The following MAST2 variants were observed in gnomAD, a reference collection of about 807,000 sequenced individuals.
MAST2 encodes microtubule associated serine/threonine kinase 2.
A neutral mutation model predicts 147.4 loss-of-function variants in MAST2; 70 were observed. The ratio of observed to expected loss-of-function variants is 0.47; its 90% CI spans 0.39 to 0.58. The LOEUF (loss-of-function observed/expected upper bound fraction) is 0.58, where lower values mean the gene tolerates loss of function less well. MAST2 is among the 20% of genes least tolerant of loss of function. The probability of loss-of-function intolerance (pLI) is 0.00; values close to 1 mark genes in which losing one functional copy is unlikely to be tolerated. For synonymous variants in MAST2, 869 were observed against 896.8 expected, an observed-to-expected ratio of 0.97 and a Z score of 0.55; for missense variants, 2,080 against 2,302.3, an observed-to-expected ratio of 0.90 and a Z score of 1.98.
chr1:45,913,904 A>C, intron 4 of MAST2: 1 of 1,204,418 alleles, frequency 8.3e-7, no homozygotes, highest in Non-Finnish European at 1.0e-6. Context: ...GTCTCTATGG[A>C]AACTGGCAGA....
intron 3 of MAST2, among the ~76,000 whole-genome samples, chr1:45,872,352 G>A (rs1248846265): frequency 6.6e-6 from 1 of 152,204 alleles, no homozygotes; most frequent in Non-Finnish European, 1.5e-5. Flanking sequence ...TGTGGGGGTA[G>A]CGGTTACTGC....
intron 1 of MAST2, among the ~76,000 whole-genome samples, chr1:45,809,951 A>T (rs1644244139): frequency 1.3e-5 from 2 of 152,248 alleles, no homozygotes; most frequent in Admixed American, 1.3e-4. Context: ...GATGCTGAAT[A>T]AATATTTGCT....
chr1:45,997,832 C>T (rs1000515667), intron 6 of MAST2, 33 bp downstream of exon 6: 1 of 1,550,416 alleles, frequency 6.4e-7, no homozygotes, highest in African/African-American at 1.4e-5. Flanking sequence ...CTGGGACCAG[C>T]ACATGTGGCA....
intron 4 of MAST2, among the ~76,000 whole-genome samples, chr1:45,932,036 C>A (rs1308770954): frequency 6.6e-6 from 1 of 152,164 alleles, no homozygotes; most frequent in Non-Finnish European, 1.5e-5. Context: ...TACAGGCTTT[C>A]GTTTTGTCCC....
chr1:45,821,668 C>G (rs1570229307), intron 1 of MAST2, among the ~76,000 whole-genome samples: 1 of 150,604 alleles, frequency 6.6e-6, no homozygotes, highest in African/African-American at 2.4e-5. Flanking sequence ...TACAGGCATG[C>G]ACCACCACGC....
chr1:45,868,851 C>T (rs1646266521), intron 3 of MAST2, among the ~76,000 whole-genome samples: 1 of 152,102 alleles, frequency 6.6e-6, no homozygotes, highest in African/African-American at 2.4e-5. Flanking sequence ...AAAAATGTAA[C>T]CTAATTATTT....
In MAST2 at chr1:46,023,788, C is replaced by A; in HGVS notation, c.1588C>A (p.Arg530=). ...GTTTCCCAGGGCTGTATTTCTGGTG[C>A]GGCACAAGTCCACCCGGCAGCGCTT... ...NGAYGAVFLV[R]HKSTRQRFAM... Residue 530 remains arginine, a synonymous_variant, in exon 15 of 29, where the codon CGG becomes AGG. Coordinates refer to ENST00000361297, the MANE Select transcript of MAST2 (RefSeq NM_015112.3). This position sits in a 1 kb window ranked among gnomAD's most constrained non-coding sequence, Gnocchi z 4.9. 1 of 1,613,844 alleles carries A rather than the reference C, an allele frequency of 6.2e-7. No individual in the cohort carries two copies. Among genetic ancestry groups the A allele is most frequent in the Non-Finnish European group, 8.5e-7 (1 of 1,179,904 alleles).
intron 10 of MAST2, among the ~76,000 whole-genome samples, chr1:46,016,299 C>T (rs1645937202): frequency 6.7e-6 from 1 of 149,674 alleles, no homozygotes; most frequent in Admixed American, 6.7e-5. Flanking sequence ...CTGACCACTC[C>T]TATTCAACAT....
chr1:45,865,168 T>TC (rs1557845520), intron 3 of MAST2: 1 of 455,686 alleles, frequency 2.2e-6, no homozygotes, highest in Non-Finnish European at 4.4e-6. Flanking sequence ...TTTTCACTGA[T>TC]CTCCTTCCTT....
chr1:46,023,810 G>A lies in MAST2; in HGVS notation c.1610G>A (p.Arg537His), dbSNP rs200134348. 7.0e-5 allele frequency: 113 copies of A among 1,614,070 alleles called. No homozygotes were observed. The Admixed American group carries it at 1.0e-3, about 15-fold the overall frequency. ...FLVRHKSTRQ[R>H]FAMKKINKQN... is the part of the protein sequence containing the mutation. Reference sequence around the variant, plus strand: ...GTGCGGCACAAGTCCACCCGGCAGCGCTTTGCCATGAAGAAGATCAACAAG... The same window carrying A: ...GTGCGGCACAAGTCCACCCGGCAGCACTTTGCCATGAAGAAGATCAACAAG... Residue 537 changes from arginine to histidine, a missense_variant, in exon 15 of 29, where the codon CGC (arginine) becomes CAC (histidine). Physicochemically the swap from Arg to His is conservative, Grantham distance 29. Coordinates refer to ENST00000361297, the MANE Select transcript of MAST2 (RefSeq NM_015112.3). The surrounding 1 kb of genome is among the most constrained non-coding windows in gnomAD (Gnocchi z 4.9).
chr1:46,030,387 G>C, intron 21 of MAST2, 149 bp downstream of exon 21: 2 of 857,456 alleles, frequency 2.3e-6, no homozygotes, highest in Non-Finnish European at 3.6e-6. Flanking sequence ...GCTACATATA[G>C]CTATATATAG....
intron 3 of MAST2, among the ~76,000 whole-genome samples, chr1:45,830,289 C>T (rs1215765713): frequency 6.6e-6 from 1 of 151,042 alleles, no homozygotes; most frequent in Non-Finnish European, 1.5e-5. Flanking sequence ...ATTCTCCTGC[C>T]TCAGCCTCCC....
At chr1:45,952,282 T>C (rs1659040597) in intron 4 of MAST2, among the ~76,000 whole-genome samples, 2 of 152,128 alleles carry the variant, frequency 1.3e-5, no homozygotes, top group African/African-American at 4.8e-5. Flanking sequence ...GACTACATAA[T>C]GTATGATTCA....
intron 4 of MAST2, among the ~76,000 whole-genome samples, chr1:45,898,514 T>TTTG (rs373244497): frequency 5.9e-5 from 9 of 152,198 alleles, no homozygotes; most frequent in African/African-American, 2.2e-4. Flanking sequence ...TTCTGTTTTT[T>TTTG]TTGTTGTTGT....
chr1:46,032,341 C>A lies in MAST2; in HGVS notation c.3351C>A (p.Thr1117=), dbSNP rs760306379. ...IHRAGKKYGF[T]LRAIRVYMGD... is the part of the protein sequence containing the mutation. ...GAGCTGGCAAGAAGTATGGCTTCAC[C>A]CTGCGGGCCATTCGCGTCTACATGG... The change falls in exon 25 of 29, where the codon ACC becomes ACA. Residue 1117 remains threonine, a synonymous_variant. Coordinates refer to ENST00000361297, the MANE Select transcript of MAST2 (RefSeq NM_015112.3). 1.9e-6 allele frequency: 3 copies of A among 1,614,138 alleles called. No homozygotes were observed. The Admixed American group carries it at 5.0e-5, about 27-fold the overall frequency.
rs527999243 is a variant in MAST2, at chr1:46,032,920, C to G, written c.3537+202C>G. The stretch of plus-strand genomic sequence containing the variant: ...CTGAGGCAGGTGGATCACTTGAGAC[C>G]AGAAGTTTGAGACCAGCCTAGCCAA... On this transcript the variant is annotated intron_variant, in intron 26 of 28. Transcript: ENST00000361297. 3.4e-5 allele frequency among the ~76,000 whole-genome samples: 5 copies of G among 149,224 alleles called. No individual in the cohort carries two copies. The South Asian group carries it at 1.1e-3, about 32-fold the overall frequency.
chr1:45,864,925 C>T (rs1379602471), intron 3 of MAST2, among the ~76,000 whole-genome samples: 6 of 152,172 alleles, frequency 3.9e-5, no homozygotes, highest in East Asian at 1.9e-4. Context: ...TGAAGAAAGA[C>T]GTGATTCTGA....
At position 46,030,764 on chromosome 1, in the gene MAST2, G is replaced by C. The variant is rs779035844; in HGVS notation, c.2708+3G>C. The C allele has an allele frequency of 6.4e-6, 10 of 1,570,770 alleles. No homozygotes were observed. Among genetic ancestry groups the C allele is most frequent in the Non-Finnish European group, 8.6e-6 (10 of 1,162,890 alleles). ...TGGGTGATTGGCTCCCCTGAGATGT[G>C]AGCACCCAGAGTTCACCCAGGGTGG... On this transcript the variant is annotated splice_donor_region_variant and intron_variant, in intron 22 of 28. Transcript: ENST00000361297.
intron 4 of MAST2, among the ~76,000 whole-genome samples, chr1:45,908,187 T>C (rs924675541): frequency 1.3e-5 from 2 of 152,162 alleles, no homozygotes; most frequent in Non-Finnish European, 2.9e-5. Context: ...TAATTTACTT[T>C]TAAGTTTTTT....
Sources: allele counts gnomAD v4.1 joint callset (sites outside exome capture counted in the v4.1 genomes callset), GRCh38; gene constraint gnomAD v4.1.1; non-coding constraint Gnocchi (gnomAD v3.1); transcripts MANE v1.5; gene names NCBI Gene and HGNC (gene_info 2026-07-23, HGNC 2026-07-21).